CNTNAP2: variants seen among roughly 807,000 people sequenced by gnomAD.
The protein encoded by CNTNAP2 is contactin associated protein 2, also known as contactin-associated protein-like 2.
Under a neutral mutation model 155.2 loss-of-function variants are expected in CNTNAP2, and 98 were observed. The observed-to-expected ratio is 0.63, with a 90% confidence interval of 0.54 to 0.75. The LOEUF (loss-of-function observed/expected upper bound fraction) is 0.75. Among genes scored for constraint, CNTNAP2 ranks in the 30% least tolerant of loss-of-function variants. The pLI is 0.00. For missense variants in CNTNAP2, 1,727 were observed against 1,688.1 expected, an observed-to-expected ratio of 1.02 and a Z score of -0.40; for synonymous variants, 651 against 631.2, an observed-to-expected ratio of 1.03 and a Z score of -0.47.
chr7:146,720,390 GGCAATTATCTATTATGCTTAGGGGACACA>G (rs1352237174), intron 1 of CNTNAP2, among the ~76,000 whole-genome samples: 2 of 152,058 alleles, frequency 1.3e-5, no homozygotes, highest in Non-Finnish European at 2.9e-5. Context: ...CCCTAGAGAA[GGCAATTATCTATTATGCTTAGGGGACACA>G]AAAGTAGCTC....
At chr7:146,947,408 CTCTATATATA>C (rs1391264218) in intron 3 of CNTNAP2, among the ~76,000 whole-genome samples, 8 of 123,468 alleles carry the variant, frequency 6.5e-5, no homozygotes, top group African/African-American at 1.9e-4. Context: ...CTCTCTCTCT[CTCTATATATA>C]TATATATATA....
intron 13 of CNTNAP2, among the ~76,000 whole-genome samples, chr7:147,794,737 GT>G (rs368387319): frequency 1.1e-4 from 16 of 149,046 alleles, no homozygotes; most frequent in South Asian, 6.3e-4. Context: ...TTTATGGGTA[GT>G]TTTTTTTTTA....
chr7:146,637,245 G>T (rs1200560066), intron 1 of CNTNAP2, among the ~76,000 whole-genome samples: 2 of 152,114 alleles, frequency 1.3e-5, no homozygotes, highest in Non-Finnish European at 1.5e-5. Flanking sequence ...TAGTGAAGTT[G>T]CAGAAACACA....
chr7:146,943,844 G>A (rs1403465706), intron 3 of CNTNAP2, among the ~76,000 whole-genome samples: 1 of 152,146 alleles, frequency 6.6e-6, no homozygotes, highest in Non-Finnish European at 1.5e-5. Flanking sequence ...AATTACTGGA[G>A]AGATAAACTG....
chr7:146,654,176 A>G (rs1799959393), intron 1 of CNTNAP2, among the ~76,000 whole-genome samples: 1 of 152,040 alleles, frequency 6.6e-6, no homozygotes, highest in Admixed American at 6.6e-5. Flanking sequence ...ATGTCCTTGC[A>G]CATAAACATT....
At chr7:146,989,393 A>T (rs958141655) in intron 3 of CNTNAP2, among the ~76,000 whole-genome samples, 1 of 152,104 alleles carries the variant, frequency 6.6e-6, no homozygotes, top group Non-Finnish European at 1.5e-5. Flanking sequence ...AGGTTGCCCC[A>T]GGAAACAAGT....
At chr7:148,130,878 CA>C in intron 16 of CNTNAP2, among the ~76,000 whole-genome samples, 2 of 152,012 alleles carry the variant, frequency 1.3e-5, no homozygotes, top group Middle Eastern at 6.8e-3. Flanking sequence ...CCAAAAATAC[CA>C]AAATTTTTAC....
intron 21 of CNTNAP2, among the ~76,000 whole-genome samples, chr7:148,372,780 T>C (rs1384250307): frequency 6.6e-6 from 1 of 152,228 alleles, no homozygotes; most frequent in Non-Finnish European, 1.5e-5. Flanking sequence ...ATAGACTTCT[T>C]AATGTTTTCA....
At chr7:147,061,027 A>C (rs1246801292) in intron 4 of CNTNAP2, among the ~76,000 whole-genome samples, 53 of 152,198 alleles carry the variant, frequency 3.5e-4, no homozygotes, top group Non-Finnish European at 5.9e-5. Flanking sequence ...ATAATCGCTG[A>C]AAGACAAATG....
chr7:146,590,231 G>T (rs1226813792), intron 1 of CNTNAP2, among the ~76,000 whole-genome samples: 2 of 152,118 alleles, frequency 1.3e-5, no homozygotes, highest in Non-Finnish European at 1.5e-5. Context: ...CCCACTTTAT[G>T]CAGGTTACCC....
At chr7:146,399,238 A>G (rs992333068) in intron 1 of CNTNAP2, among the ~76,000 whole-genome samples, 3 of 152,182 alleles carry the variant, frequency 2.0e-5, no homozygotes, top group African/African-American at 7.2e-5. Context: ...ATTAACTATA[A>G]TTACCATGAT....
At chr7:147,257,469 G>A (rs547182786) in intron 8 of CNTNAP2, among the ~76,000 whole-genome samples, 50 of 152,342 alleles carry the variant, frequency 3.3e-4, no homozygotes, top group Middle Eastern at 3.4e-3. Flanking sequence ...CACAGTGGGT[G>A]TGTGCAGGAC....
chr7:148,323,987 G>T (rs993510766), intron 21 of CNTNAP2, among the ~76,000 whole-genome samples: 11 of 149,750 alleles, frequency 7.3e-5, no homozygotes, highest in African/African-American at 2.5e-4. Context: ...GGGTTCAAGT[G>T]ATTCTCCTGC....
chr7:148,037,988 T>C (rs1401147923), intron 15 of CNTNAP2, among the ~76,000 whole-genome samples: 2 of 152,206 alleles, frequency 1.3e-5, no homozygotes, highest in Non-Finnish European at 2.9e-5. Flanking sequence ...ACTGGGAGTC[T>C]TGGAACATAT....
chr7:148,150,291 G>A (rs369199937), intron 17 of CNTNAP2, among the ~76,000 whole-genome samples: 5 of 151,450 alleles, frequency 3.3e-5, no homozygotes, highest in South Asian at 2.1e-4. Flanking sequence ...GCTCACGCCC[G>A]TAATCCCAGC....
intron 1 of CNTNAP2, among the ~76,000 whole-genome samples, chr7:146,335,959 G>A (rs2129095721): frequency 6.6e-6 from 1 of 152,204 alleles, no homozygotes; most frequent in African/African-American, 2.4e-5. Flanking sequence ...CAGCACTTTG[G>A]GAGGCTGAGG....
At chr7:146,452,765 C>T (rs1016562983) in intron 1 of CNTNAP2, among the ~76,000 whole-genome samples, 3 of 152,208 alleles carry the variant, frequency 2.0e-5, no homozygotes, top group African/African-American at 7.2e-5. Context: ...CCACTAGATT[C>T]TAAGTCCTTG....
intron 21 of CNTNAP2, among the ~76,000 whole-genome samples, chr7:148,381,745 G>A (rs896488301): frequency 2.0e-5 from 3 of 152,244 alleles, no homozygotes; most frequent in Non-Finnish European, 2.9e-5. Context: ...ACAGGGACCC[G>A]CCCCTTTCTG....
intron 1 of CNTNAP2, among the ~76,000 whole-genome samples, chr7:146,567,353 A>G (rs1218980120): frequency 6.6e-6 from 1 of 152,216 alleles, no homozygotes; most frequent in Non-Finnish European, 1.5e-5. Flanking sequence ...TTAGTAGACT[A>G]TATGAATACC....
Sources: gnomAD v4.1 joint callset for allele counts (sites outside exome capture counted in the v4.1 genomes callset) on GRCh38, gnomAD v4.1.1 for gene constraint, MANE v1.5 for transcripts, NCBI Gene and HGNC (gene_info 2026-07-23, HGNC 2026-07-21) for gene names.